The following CHD3 variants were observed in gnomAD, a reference collection of about 807,000 sequenced individuals.
CHD3 encodes the protein chromodomain helicase DNA binding protein 3, also known as ATP-dependent chromatin remodeler CHD3.
A neutral mutation model predicts 248.9 loss-of-function variants in CHD3; 52 were observed. The observed-to-expected ratio is 0.21, with a 90% CI of 0.17 to 0.26. The LOEUF is 0.26. Ranked by LOEUF, CHD3 falls within the 10% of genes least tolerant of loss-of-function variation. The pLI is 1.00. For missense variants in CHD3, 1,482 were observed against 2,605.8 expected (o/e 0.57, Z 9.39); for synonymous variants, 985 against 985.2 (o/e 1.00, Z 0.00).
Position 7,907,177 on chromosome 17 carries a change from A to G in CHD3, c.4718A>G (p.Lys1573Arg). ...GAAGGCATAAGGACACCTCTTGAGA[A>G]GGAGGAAGCTGAAAACCAGGAGGAA... ...KGEGIRTPLE[K>R]EEAENQEEKP... The change falls in exon 31 of 40, where the codon AAG (lysine) becomes AGG (arginine). Residue 1573 changes from lysine (K) to arginine (R), a missense_variant. Lys to Arg is a conservative substitution (Grantham distance 26). Coordinates refer to ENST00000330494, the MANE Select transcript of CHD3 (RefSeq NM_001005273.3). The surrounding 1 kb of genome is among the most constrained non-coding windows in gnomAD (Gnocchi z 4.3). 1 of 1,614,230 alleles carries G rather than the reference A, an allele frequency of 6.2e-7. No individual in the cohort carries two copies. Among genetic ancestry groups the G allele is most frequent in the African/African-American group, 1.3e-5 (1 of 75,070 alleles).
chr17:7,908,150 A>T lies in CHD3; in HGVS notation c.5152+131A>T. Reference sequence around the variant, plus strand: ...TTCCAATGAAGTATGTTGCATGCTGACTCCGATCCTTGCTCTAAATCTTTC... The same window carrying T: ...TTCCAATGAAGTATGTTGCATGCTGTCTCCGATCCTTGCTCTAAATCTTTC... On this transcript the variant is annotated intron_variant, in intron 34 of 39. Transcript: ENST00000330494. This position sits in a 1 kb window ranked among gnomAD's most constrained non-coding sequence, Gnocchi z 5.8. 8.7e-7 allele frequency: 1 copy of T among 1,150,380 alleles called. No individual in the cohort carries two copies. The highest frequency in any genetic ancestry group is 1.2e-6 in the Non-Finnish European group (1 of 809,742). The allele number at this position is 1,150,380 out of a possible 1,614,324, so 71.3% of individuals were successfully genotyped here.
rs2151520638 is a variant in CHD3 at position 7,895,689 on chromosome 17, C to A, written c.1707+147C>A. On this transcript the variant is annotated intron_variant, in intron 10 of 39. Coordinates refer to ENST00000330494, the MANE Select transcript of CHD3 (RefSeq NM_001005273.3). The surrounding 1 kb of genome is among the most constrained non-coding windows in gnomAD (Gnocchi z 4.9). ...CCTTCATACCCTACTTGCTTAGTTT[C>A]CATATGTGGTTCTTTTGGTCTACAG... is the stretch of plus-strand genomic sequence containing the variant. The A allele has an allele frequency of 1.5e-6, 1 of 679,526 alleles. No individual in the cohort carries two copies. The highest frequency in any genetic ancestry group is 2.7e-5 in the East Asian group (1 of 37,192). The allele number at this position is 679,526 out of a possible 1,614,324, so 42.1% of individuals were successfully genotyped here.
Position 7,907,110 on chromosome 17 carries a change from G to A in CHD3, c.4667-16G>A. 6.2e-7 allele frequency: 1 copy of A among 1,614,188 alleles called. No homozygotes were observed. The highest frequency in any genetic ancestry group is 8.5e-7 in the Non-Finnish European group (1 of 1,180,006). On this transcript the variant is annotated splice_polypyrimidine_tract_variant and intron_variant, in intron 30 of 39. Coordinates refer to ENST00000330494, the MANE Select transcript of CHD3 (RefSeq NM_001005273.3). The surrounding 1 kb of genome is among the most constrained non-coding windows in gnomAD (Gnocchi z 4.3). The stretch of plus-strand genomic sequence containing the variant: ...CGGGAGAATCTCTGTCTTTATCACT[G>A]TGCCTTCCCCTGCAGCTACTCCAGC...
rs200126449 is a variant in CHD3 at position 7,895,054 on chromosome 17, G to A, written c.1407G>A (p.Leu469=). Residue 469 remains leucine, a synonymous_variant, in exon 9 of 40, where the codon CTG becomes CTA. Transcript: ENST00000330494. This position sits in a 1 kb window ranked among gnomAD's most constrained non-coding sequence, Gnocchi z 4.9. ...CRVCKDGGEL[L]CCDACISSYH... ...TATGCAAGGACGGCGGGGAGCTCCT[G>A]TGCTGTGACGCGTGCATCTCCTCCT... 7 of 1,614,130 alleles carry A rather than the reference G, an allele frequency of 4.3e-6. No individual in the cohort carries two copies. In the East Asian group the frequency reaches 1.3e-4, roughly 31 times the overall value.
Position 7,905,669 on chromosome 17 carries a change from T to C in CHD3, c.4187T>C (p.Leu1396Pro). The change falls in exon 27 of 40, where the codon CTG (leucine) becomes CCG (proline). Residue 1396 changes from leucine to proline, a missense_variant. This residue lies in a region of CHD3 where 156 missense variants were observed against 420.3 expected (regional missense o/e 0.37). Transcript: ENST00000330494. The surrounding 1 kb of genome is among the most constrained non-coding windows in gnomAD (Gnocchi z 5.8). The stretch of plus-strand genomic sequence containing the variant: ...CTCCGGAATGAGAAAGATAAGCCAC[T>C]GCCTCCACTGCTGGCCCGAGTCGGG... Reference protein sequence around the residue: ...RQLRNEKDKPLPPLLARVGGN... With the variant: ...RQLRNEKDKPPPPLLARVGGN... The C allele has an allele frequency of 6.2e-7, 1 of 1,610,778 alleles. No individual in the cohort carries two copies. The highest frequency in any genetic ancestry group is 8.5e-7 in the Non-Finnish European group (1 of 1,178,142).
Position 7,901,363 on chromosome 17 carries a change from C to T in CHD3, c.3240C>T (p.Leu1080=), listed in dbSNP as rs149027084. The T allele has an allele frequency of 4.3e-4, 687 of 1,608,704 alleles. No individual in the cohort carries two copies. The highest frequency in any genetic ancestry group is 5.2e-4 in the Non-Finnish European group (611 of 1,176,646). Residue 1080 remains leucine (L), a synonymous_variant, in exon 20 of 40, where the codon CTC becomes CTT. Transcript: ENST00000330494. ...RKLKEQGHRV[L]IFSQMTKMLD... ...TGAAGGAGCAAGGACACCGAGTGCT[C>T]ATCTTCTCGCAGGTGACCTGTGCCC...
intron 19 of CHD3, 29 bp from the exon 20 acceptor site, chr17:7,901,215 C>T (rs1395803998): frequency 1.2e-5 from 18 of 1,562,354 alleles, no homozygotes; most frequent in Non-Finnish European, 1.6e-5. Flanking sequence ...CAACTGACCC[C>T]CTCCTCCTCC....
chr17:7,908,550 C>T lies in CHD3; in HGVS notation c.5261+40C>T, dbSNP rs780443685. On this transcript the variant is annotated intron_variant, in intron 35 of 39. Coordinates refer to ENST00000330494, the MANE Select transcript of CHD3 (RefSeq NM_001005273.3). This position sits in a 1 kb window ranked among gnomAD's most constrained non-coding sequence, Gnocchi z 5.8. ...ACATGCAAGAAGGAAAAGGTTCTCT[C>T]AAGCTGGCAAAAAAAAAAAAGATGA... is the stretch of plus-strand genomic sequence containing the variant. 10 of 1,564,508 alleles carry T rather than the reference C, an allele frequency of 6.4e-6. No individual in the cohort carries two copies. Among genetic ancestry groups the T allele is most frequent in the South Asian group, 1.2e-5 (1 of 86,318 alleles).
Position 7,903,635 on chromosome 17 carries a change from C to A in CHD3, c.3727+132C>A. 9.9e-7 allele frequency: 1 copy of A among 1,010,276 alleles called. No individual in the cohort carries two copies. The highest frequency in any genetic ancestry group is 1.7e-5 in the South Asian group (1 of 59,284). The allele number at this position is 1,010,276 out of a possible 1,614,324, so 62.6% of individuals were successfully genotyped here. ...GAAGGAGAGCCTTCTTTTAGTAGCC[C>A]TTGGAGGAAGGTTGGCCTCTTTCTT... On this transcript the variant is annotated intron_variant, in intron 23 of 39. Coordinates refer to ENST00000330494, the MANE Select transcript of CHD3 (RefSeq NM_001005273.3). The surrounding 1 kb of genome is among the most constrained non-coding windows in gnomAD (Gnocchi z 6.8).
Position 7,890,664 on chromosome 17 carries a change from CGAA to C in CHD3, c.312_314del (p.Arg105del), listed in dbSNP as rs771266385. 5.7e-6 allele frequency: 9 copies of C among 1,588,356 alleles called. No individual in the cohort carries two copies. The highest frequency in any genetic ancestry group is 1.1e-5 in the South Asian group (1 of 88,804). Reference sequence around the variant, plus strand: ...ATATGGAACCGGACCGGGTCGGAAACGAAGAAGGAAGCACCGAGAAAAAAAGGA... The same window carrying C: ...ATATGGAACCGGACCGGGTCGGAAACGAAGGAAGCACCGAGAAAAAAAGGA... On this transcript the variant is annotated inframe_deletion, in exon 3 of 40. Transcript: ENST00000330494.
chr17:7,899,860 A>G lies in CHD3; in HGVS notation c.2545-36A>G. 1 of 1,604,246 alleles carries G rather than the reference A, an allele frequency of 6.2e-7. No individual in the cohort carries two copies. The highest frequency in any genetic ancestry group is 8.5e-7 in the Non-Finnish European group (1 of 1,173,644). ...CTGGAGGTGTAGGTGCATGGTTGTCAGGTGGCAGCTGAATGGGCAATAATT... is the reference window on the plus strand; with the variant it reads ...CTGGAGGTGTAGGTGCATGGTTGTCGGGTGGCAGCTGAATGGGCAATAATT... On this transcript the variant is annotated intron_variant, in intron 15 of 39. Transcript: ENST00000330494. This position sits in a 1 kb window ranked among gnomAD's most constrained non-coding sequence, Gnocchi z 6.8.
chr17:7,906,816 C>T lies in CHD3; in HGVS notation c.4504-53C>T. 6.2e-7 allele frequency: 1 copy of T among 1,606,572 alleles called. No individual in the cohort carries two copies. The highest frequency in any genetic ancestry group is 1.7e-5 in the Admixed American group (1 of 59,240). ...GTGAGACGGAGGAGACTGGAGCTTC[C>T]TGTCTGTAAGCGCCTGGAGCTGACA... On this transcript the variant is annotated intron_variant, in intron 29 of 39. Transcript: ENST00000330494. This position sits in a 1 kb window ranked among gnomAD's most constrained non-coding sequence, Gnocchi z 5.0.
chr17:7,911,125 C>A lies in CHD3; in HGVS notation c.5881+152C>A, dbSNP rs538237188. ...ATAGAGTTGTTCTAGGCTGTCCCCC[C>A]ACCCATCCCTTTCTTAACCCCTCTT... On this transcript the variant is annotated intron_variant, in intron 39 of 39. Transcript: ENST00000330494. This position sits in a 1 kb window ranked among gnomAD's most constrained non-coding sequence, Gnocchi z 5.4. 1.1e-5 allele frequency: 12 copies of A among 1,128,994 alleles called. No individual in the cohort carries two copies. The Middle Eastern group carries it at 6.5e-4, about 61-fold the overall frequency. 69.9% of individuals were successfully genotyped at this position (1,128,994 alleles called of 1,614,324 possible).
chr17:7,902,497 G>T, intron 20 of CHD3, 113 bp from the exon 21 acceptor site: 1 of 621,944 alleles, frequency 1.6e-6, no homozygotes, highest in Non-Finnish European at 2.9e-6. Context: ...CTTAAGACAG[G>T]GCAGGGGTTC....
chr17:7,896,203 G>GGGCGACA (rs1969621617), intron 10 of CHD3, among the ~76,000 whole-genome samples: 1 of 143,870 alleles, frequency 7.0e-6, no homozygotes, highest in Non-Finnish European at 1.5e-5. Flanking sequence ...ACTTCAGCCT[G>GGGCGACA]GGCGACAGAG....
Position 7,895,143 on chromosome 17 carries a change from G to A in CHD3, c.1496G>A (p.Arg499Gln). Residue 499 changes from arginine (R) to glutamine (Q), a missense_variant, in exon 9 of 40, where the codon CGA (arginine) becomes CAA (glutamine). Physicochemically the swap from Arg to Gln is conservative, Grantham distance 43 (BLOSUM62 1). Transcript: ENST00000330494. The surrounding 1 kb of genome is among the most constrained non-coding windows in gnomAD (Gnocchi z 4.9). The stretch of plus-strand genomic sequence containing the variant: ...CCCAATGGTGAATGGCTGTGTCCCC[G>A]ATGCACAGTGAGTGGAAACATCTCC... The part of the protein sequence containing the change: ...DIPNGEWLCP[R>Q]CTCPVLKGRV... 1 of 1,613,502 alleles carries A rather than the reference G, an allele frequency of 6.2e-7. No individual in the cohort carries two copies. Among genetic ancestry groups the A allele is most frequent in the Non-Finnish European group, 8.5e-7 (1 of 1,179,648 alleles).
chr17:7,894,031 AG>A, intron 6 of CHD3, 83 bp from the exon 7 acceptor site: 1 of 1,592,064 alleles, frequency 6.3e-7, no homozygotes, highest in Non-Finnish European at 8.6e-7. Flanking sequence ...GGGATCCGTG[AG>A]GGATGGCGGA....
chr17:7,902,000 C>A (rs557975582), intron 20 of CHD3, among the ~76,000 whole-genome samples: 1 of 152,246 alleles, frequency 6.6e-6, no homozygotes, highest in Non-Finnish European at 1.5e-5. Context: ...GGTCTACTCA[C>A]CAGAAAACTG....
In CHD3 at chr17:7,901,734, C is replaced by T. The variant is rs12939868; in HGVS notation, c.3252+359C>T. Among the ~76,000 whole-genome samples, 6 of 152,014 alleles carry T rather than the reference C, an allele frequency of 3.9e-5. No homozygotes were observed. In the East Asian group the frequency reaches 1.2e-3, roughly 29 times the overall value. ...CCATGTTGGTCAGGATGGTCTCCAT[C>T]ACCTGACCTCAGGTGATCTGCCCGC... On this transcript the variant is annotated intron_variant, in intron 20 of 39. Transcript: ENST00000330494.
Sources: gnomAD v4.1 joint callset for allele counts (sites outside exome capture counted in the v4.1 genomes callset) on GRCh38, gnomAD v4.1.1 for gene constraint, gnomAD v4.1.1 regional missense constraint, Gnocchi (gnomAD v3.1) non-coding constraint, MANE v1.5 for transcripts, NCBI Gene and HGNC (gene_info 2026-07-23, HGNC 2026-07-21) for gene names.